PCSK5: variants seen among roughly 807,000 people sequenced by gnomAD.
The protein encoded by PCSK5 is prohormone convertase 5.
In PCSK5, 129 loss-of-function variants were observed where a neutral mutation model predicts 233.2. The ratio of observed to expected loss-of-function variants is 0.55; its 90% CI spans 0.48 to 0.64. PCSK5 has a LOEUF of 0.64. Among genes scored for constraint, PCSK5 ranks in the 30% least tolerant of loss-of-function variants. The probability of loss-of-function intolerance (pLI) is 0.00; values close to 1 mark genes in which losing one functional copy is unlikely to be tolerated. For missense variants in PCSK5, 2,076 were observed against 2,430.1 expected, an observed-to-expected ratio of 0.85 and a Z score of 3.06; for synonymous variants, 825 against 879.2, an observed-to-expected ratio of 0.94 and a Z score of 1.09.
chr9:76,005,023 C>T (rs1179332627), intron 3 of PCSK5, among the ~76,000 whole-genome samples: 1 of 152,184 alleles, frequency 6.6e-6, no homozygotes, highest in African/African-American at 2.4e-5. Context: ...AATGCAATTC[C>T]ATACCACAGG....
At chr9:76,005,353 G>A (rs1480538593) in intron 3 of PCSK5, among the ~76,000 whole-genome samples, 2 of 151,806 alleles carry the variant, frequency 1.3e-5, no homozygotes, top group African/African-American at 2.4e-5. Flanking sequence ...TAGAGCTCTC[G>A]CTCATCTTTA....
chr9:76,071,929 G>A, intron 7 of PCSK5, 31 bp downstream of exon 7: 1 of 1,568,574 alleles, frequency 6.4e-7, no homozygotes, highest in Non-Finnish European at 8.7e-7. Context: ...GGCTTATACT[G>A]TGTGGATGGG....
chr9:75,917,189 AG>A (rs1823043234), intron 1 of PCSK5, among the ~76,000 whole-genome samples: 2 of 149,716 alleles, frequency 1.3e-5, no homozygotes, highest in Admixed American at 6.7e-5. Flanking sequence ...AAAAAAAAAA[AG>A]ATGGGAAAAG....
intron 21 of PCSK5, among the ~76,000 whole-genome samples, chr9:76,228,003 T>C (rs963190604): frequency 4.6e-5 from 7 of 151,290 alleles, no homozygotes; most frequent in Non-Finnish European, 1.0e-4. Flanking sequence ...AGAGTCTTGC[T>C]CTGTCACCCA....
At chr9:76,258,450 T>C (rs995150729) in intron 24 of PCSK5, among the ~76,000 whole-genome samples, 12 of 152,190 alleles carry the variant, frequency 7.9e-5, no homozygotes, top group African/African-American at 2.7e-4. Context: ...AGTGCAATCA[T>C]GCTAGCTGCC....
Position 76,328,674 on chromosome 9 carries a change from G to A in PCSK5, c.4570+435G>A, listed in dbSNP as rs188419426. Among the ~76,000 whole-genome samples the A allele has an allele frequency of 2.6e-4, 39 of 152,084 alleles. 1 individual carries two copies. Among genetic ancestry groups the A allele is most frequent in the Admixed American group, 1.9e-3 (29 of 15,266 alleles). Reference sequence around the variant, plus strand: ...ATTAGTGATATTTTCTTACATAACCGCAGGATAGTTATCAACTCTAATAAA... The same window carrying A: ...ATTAGTGATATTTTCTTACATAACCACAGGATAGTTATCAACTCTAATAAA... On this transcript the variant is annotated intron_variant, in intron 33 of 37. Transcript: ENST00000674117.
At chr9:76,042,936 G>C (rs966567200) in intron 5 of PCSK5, among the ~76,000 whole-genome samples, 1 of 152,172 alleles carries the variant, frequency 6.6e-6, no homozygotes, top group South Asian at 2.1e-4. Flanking sequence ...TATCACTGTG[G>C]GTTGGACTGT....
chr9:75,943,726 A>C (rs1452228645), intron 2 of PCSK5, among the ~76,000 whole-genome samples: 1 of 152,218 alleles, frequency 6.6e-6, no homozygotes, highest in Non-Finnish European at 1.5e-5. Flanking sequence ...ATACTTAGAG[A>C]AGTACACAGT....
At chr9:75,974,564 A>C (rs1825936188) in intron 2 of PCSK5, among the ~76,000 whole-genome samples, 1 of 152,210 alleles carries the variant, frequency 6.6e-6, no homozygotes, top group Admixed American at 6.5e-5. Context: ...TCAGAGGGTG[A>C]TGATGGTGTT....
intron 20 of PCSK5, among the ~76,000 whole-genome samples, chr9:76,225,644 C>G (rs531638355): frequency 1.3e-5 from 2 of 152,040 alleles, no homozygotes; most frequent in Non-Finnish European, 1.5e-5. Context: ...AGTGAAGGAG[C>G]CTGAATAAAT....
intron 5 of PCSK5, among the ~76,000 whole-genome samples, chr9:76,028,707 T>C (rs1828532081): frequency 6.6e-6 from 1 of 152,128 alleles, no homozygotes; most frequent in Non-Finnish European, 1.5e-5. Flanking sequence ...ACCCCTAAAC[T>C]GTAATTTCTA....
At chr9:76,064,298 T>A (rs1170839924) in intron 5 of PCSK5, among the ~76,000 whole-genome samples, 4 of 74,122 alleles carry the variant, frequency 5.4e-5, no homozygotes, top group African/African-American at 1.4e-4. Flanking sequence ...CACTTCCCAG[T>A]AGGGGCGGCC....
chr9:76,155,177 T>C lies in PCSK5; in HGVS notation c.1313-1868T>C, dbSNP rs181780608. Among the ~76,000 whole-genome samples the C allele has an allele frequency of 2.6e-5, 4 of 152,332 alleles. No individual in the cohort carries two copies. In the East Asian group the frequency reaches 7.7e-4, roughly 29 times the overall value. On this transcript the variant is annotated intron_variant, in intron 10 of 37. Transcript: ENST00000674117. ...ATGTCCTATCTGGCTAAGTACCTGA[T>C]ATTAAAGTAAGGAGACCTTACATTC... is the stretch of plus-strand genomic sequence containing the variant.
In PCSK5 at chr9:76,133,749, C is replaced by G. The variant is rs150864547; in HGVS notation, c.1209-360C>G. Among the ~76,000 whole-genome samples, 3 of 151,968 alleles carry G rather than the reference C, an allele frequency of 2.0e-5. No individual in the cohort carries two copies. The East Asian group carries it at 5.8e-4, about 29-fold the overall frequency. On this transcript the variant is annotated intron_variant, in intron 9 of 37. Coordinates refer to ENST00000674117, the MANE Select transcript of PCSK5 (RefSeq NM_001372043.1). The stretch of plus-strand genomic sequence containing the variant: ...GCCTTCTGTTTTGATTTTAGCTTAT[C>G]GTAATCTGATGATGATGATCCAAGC...
In PCSK5 at chr9:76,071,680, T is replaced by C. The variant is rs1480546014; in HGVS notation, c.722-46T>C. The C allele has an allele frequency of 2.6e-6, 4 of 1,517,522 alleles. No homozygotes were observed. In the East Asian group the frequency reaches 6.8e-5, roughly 26 times the overall value. 94.0% of individuals were successfully genotyped at this position (1,517,522 alleles called of 1,614,324 possible). A position where few individuals can be genotyped will look rare whatever the true frequency, so the allele number is the denominator to read the frequency against. ...CTGCAGCTCTGTTCTTTGAGTGTTG[T>C]GTAGGGAAGCCCTGTAATGAGCTAG... On this transcript the variant is annotated intron_variant, in intron 6 of 37. Transcript: ENST00000674117.
intron 9 of PCSK5, among the ~76,000 whole-genome samples, chr9:76,133,829 G>A (rs539849241): frequency 1.1e-3 from 164 of 151,964 alleles, no homozygotes; most frequent in African/African-American, 3.7e-3. Context: ...TGAGGAAACC[G>A]GAAACGCTCA....
chr9:76,029,007 T>C (rs1828546558), intron 5 of PCSK5, among the ~76,000 whole-genome samples: 1 of 152,154 alleles, frequency 6.6e-6, no homozygotes, highest in Admixed American at 6.6e-5. Context: ...AACACCTTAT[T>C]CTTAAAGTGC....
intron 2 of PCSK5, among the ~76,000 whole-genome samples, chr9:75,976,726 GTTA>G (rs35593264): frequency 0.051 from 7,685 of 151,402 alleles, 223 homozygotes; most frequent in Middle Eastern, 0.14. Context: ...CAATATTTAT[GTTA>G]TTATGTTGTA....
At chr9:76,236,564 A>G (rs1487779978) in intron 22 of PCSK5, among the ~76,000 whole-genome samples, 1 of 152,240 alleles carries the variant, frequency 6.6e-6, no homozygotes, top group African/African-American at 2.4e-5. Context: ...CCAAAAATTT[A>G]TGCATGGTAT....
Sources: gnomAD v4.1 joint callset for allele counts (sites outside exome capture counted in the v4.1 genomes callset) on GRCh38, gnomAD v4.1.1 for gene constraint, MANE v1.5 for transcripts, NCBI Gene and HGNC (gene_info 2026-07-23, HGNC 2026-07-21) for gene names.